The following IFT88 variants were observed in gnomAD, a reference collection of about 807,000 sequenced individuals.
The protein encoded by IFT88 is intraflagellar transport protein 88 homolog.
Under a neutral mutation model 119.5 loss-of-function variants are expected in IFT88, and 74 were observed. The ratio of observed to expected loss-of-function variants is 0.62; its 90% CI spans 0.51 to 0.75. The LOEUF (loss-of-function observed/expected upper bound fraction) is 0.75, where lower values mean the gene tolerates loss of function less well. Ranked by LOEUF, IFT88 falls within the 30% of genes least tolerant of loss-of-function variation. IFT88 has a pLI of 0.00. For synonymous variants in IFT88, 279 were observed against 316.7 expected (o/e 0.88, Z 1.26); for missense variants, 961 against 977.7 (o/e 0.98, Z 0.23).
intron 3 of IFT88, among the ~76,000 whole-genome samples, chr13:20,583,709 T>C (rs2039133380): frequency 6.6e-6 from 1 of 152,216 alleles, no homozygotes; most frequent in Admixed American, 6.5e-5. Context: ...CCAAGAACAA[T>C]GTCATGAAGC....
At chr13:20,690,664 C>A in intron 24 of IFT88, 41 bp from the exon 25 acceptor site, 1 of 1,292,312 alleles carries the variant, frequency 7.7e-7, no homozygotes, top group Non-Finnish European at 1.1e-6. Context: ...TATGTTTTCT[C>A]AACATATTAA....
At chr13:20,597,167 G>A in intron 9 of IFT88, 48 bp downstream of exon 9, 1 of 999,628 alleles carries the variant, frequency 1.0e-6, no homozygotes, top group South Asian at 1.6e-5. Context: ...TTTGACTAGG[G>A]TTAATGGGTT....
At chr13:20,605,761 C>A (rs926984609) in intron 13 of IFT88, among the ~76,000 whole-genome samples, 3 of 152,186 alleles carry the variant, frequency 2.0e-5, no homozygotes, top group Non-Finnish European at 4.4e-5. Flanking sequence ...CCCACTACCC[C>A]CTCCTCAGGG....
chr13:20,635,373 G>A (rs7326068), intron 16 of IFT88, among the ~76,000 whole-genome samples: 34,906 of 152,082 alleles, frequency 0.23, 5,427 homozygotes, highest in East Asian at 0.7. Flanking sequence ...TATAAAGACA[G>A]GATAACTGTA....
At chr13:20,665,929 C>G (rs1213381069) in intron 23 of IFT88, among the ~76,000 whole-genome samples, 1 of 152,194 alleles carries the variant, frequency 6.6e-6, no homozygotes, top group Non-Finnish European at 1.5e-5. Flanking sequence ...GGGCAGAGGT[C>G]TGAGGACAGG....
chr13:20,650,121 T>G (rs1223163246), intron 20 of IFT88, among the ~76,000 whole-genome samples: 1 of 152,016 alleles, frequency 6.6e-6, no homozygotes, highest in African/African-American at 2.4e-5. Context: ...ACTTCCTAAC[T>G]CAGTCAGTGA....
intron 22 of IFT88, among the ~76,000 whole-genome samples, chr13:20,660,614 G>A (rs9506532): frequency 0.4 from 60,351 of 151,938 alleles, 13,844 homozygotes; most frequent in Non-Finnish European, 0.52. Flanking sequence ...AGGTGGGCAG[G>A]ATGGATTCTG....
At chr13:20,671,892 G>C (rs192154714) in intron 24 of IFT88, among the ~76,000 whole-genome samples, 33 of 152,264 alleles carry the variant, frequency 2.2e-4, no homozygotes, top group African/African-American at 7.9e-4. Context: ...TCAGGACAAA[G>C]ACAAATGTAG....
At chr13:20,581,405 T>C (rs920277562) in intron 2 of IFT88, among the ~76,000 whole-genome samples, 3 of 152,030 alleles carry the variant, frequency 2.0e-5, no homozygotes, top group Non-Finnish European at 4.4e-5. Flanking sequence ...TTACTAATAA[T>C]TTAGGAATCT....
chr13:20,589,966 C>A, intron 4 of IFT88, 99 bp downstream of exon 4: 2 of 607,442 alleles, frequency 3.3e-6, no homozygotes, highest in Non-Finnish European at 5.9e-6. Context: ...AGGTCATAAT[C>A]CAAATATATT....
intron 1 of IFT88, among the ~76,000 whole-genome samples, chr13:20,569,843 AC>A (rs2035906022): frequency 6.6e-6 from 1 of 151,910 alleles, no homozygotes; most frequent in African/African-American, 2.4e-5. Context: ...ACCGGCTAAT[AC>A]GGTGAAACCC....
chr13:20,627,153 G>T (rs973312784), intron 15 of IFT88, among the ~76,000 whole-genome samples: 1 of 152,132 alleles, frequency 6.6e-6, no homozygotes, highest in Non-Finnish European at 1.5e-5. Flanking sequence ...TTAATTTTTT[G>T]AGCATTTACA....
chr13:20,612,723 A>G (rs978290245), intron 13 of IFT88, among the ~76,000 whole-genome samples: 2 of 152,228 alleles, frequency 1.3e-5, no homozygotes, highest in Admixed American at 1.3e-4. Flanking sequence ...CAAACTAGAA[A>G]GCAACATTGA....
intron 14 of IFT88, among the ~76,000 whole-genome samples, chr13:20,625,173 T>G (rs1287368876): frequency 6.6e-6 from 1 of 152,186 alleles, no homozygotes; most frequent in Non-Finnish European, 1.5e-5. Flanking sequence ...GGGTTCAAAT[T>G]CTTAGTTGAC....
At chr13:20,573,621 C>G (rs2036814234) in intron 1 of IFT88, among the ~76,000 whole-genome samples, 1 of 152,102 alleles carries the variant, frequency 6.6e-6, no homozygotes, top group Non-Finnish European at 1.5e-5. Context: ...TATGAAACTG[C>G]AAGACTTTTC....
chr13:20,654,371 A>G (rs1041429334), intron 21 of IFT88, among the ~76,000 whole-genome samples: 1 of 152,208 alleles, frequency 6.6e-6, no homozygotes, highest in Non-Finnish European at 1.5e-5. Flanking sequence ...ATCACTGGCT[A>G]TCTTGGTTTG....
chr13:20,614,698 G>C (rs374469584), intron 13 of IFT88, among the ~76,000 whole-genome samples: 2 of 152,040 alleles, frequency 1.3e-5, no homozygotes, highest in African/African-American at 4.8e-5. Context: ...CTGGGTAAAG[G>C]GTACATGGAA....
intron 3 of IFT88, among the ~76,000 whole-genome samples, chr13:20,585,164 T>G (rs1001374518): frequency 6.6e-6 from 1 of 151,998 alleles, no homozygotes; most frequent in Non-Finnish European, 1.5e-5. Flanking sequence ...TTGCAATGAG[T>G]TTGGCTAAAT....
intron 19 of IFT88, 41 bp from the exon 20 acceptor site, chr13:20,644,802 C>G: frequency 1.2e-6 from 1 of 812,068 alleles, no homozygotes; most frequent in Non-Finnish European, 2.1e-6. Context: ...TTATATGTTG[C>G]CATTGAAGTT....
Sources: gnomAD v4.1 joint callset for allele counts (sites outside exome capture counted in the v4.1 genomes callset) on GRCh38, gnomAD v4.1.1 for gene constraint, MANE v1.5 for transcripts, NCBI Gene and HGNC (gene_info 2026-07-23, HGNC 2026-07-21) for gene names.